Variants in RTN4RL1 observed in about 807,000 individuals in gnomAD.
RTN4RL1 encodes reticulon 4 receptor like 1.
A neutral mutation model predicts 25.6 loss-of-function variants in RTN4RL1; 7 were observed. The ratio of observed to expected loss-of-function variants is 0.27; its 90% CI spans 0.16 to 0.51. The LOEUF (loss-of-function observed/expected upper bound fraction) is 0.51, where lower values mean the gene tolerates loss of function less well. Among genes scored for constraint, RTN4RL1 ranks in the 20% least tolerant of loss-of-function variants. The pLI, the probability that RTN4RL1 is intolerant of heterozygous loss-of-function variation, is 0.97. For missense variants in RTN4RL1, 500 were observed against 615.6 expected (o/e 0.81, Z 1.99); for synonymous variants, 297 against 288.2 (o/e 1.03, Z -0.31).
intron 1 of RTN4RL1, among the ~76,000 whole-genome samples, chr17:1,955,426 C>G (rs533514091): frequency 6.6e-6 from 1 of 151,670 alleles, no homozygotes; most frequent in Non-Finnish European, 1.5e-5. Flanking sequence ...TGTGGTGGCA[C>G]ATGCCTGTAA....
chr17:2,002,549 C>A (rs950868905), intron 1 of RTN4RL1, among the ~76,000 whole-genome samples: 1 of 151,756 alleles, frequency 6.6e-6, no homozygotes, highest in African/African-American at 2.4e-5. Flanking sequence ...ACCTCGGCCT[C>A]CCAAAGTGCT....
intron 1 of RTN4RL1, among the ~76,000 whole-genome samples, chr17:2,004,860 T>G (rs1049909447): frequency 1.3e-5 from 2 of 151,996 alleles, no homozygotes; most frequent in East Asian, 3.8e-4. Flanking sequence ...CAAAGGGCAG[T>G]GAGATGTGGG....
At chr17:1,992,530 C>T (rs150000068) in intron 1 of RTN4RL1, among the ~76,000 whole-genome samples, 72 of 152,296 alleles carry the variant, frequency 4.7e-4, no homozygotes, top group African/African-American at 1.7e-3. Flanking sequence ...CAGTGCCTGG[C>T]ACGCAGTGAC....
intron 1 of RTN4RL1, among the ~76,000 whole-genome samples, chr17:1,980,213 G>A (rs918985958): frequency 6.9e-6 from 1 of 144,360 alleles, no homozygotes. Flanking sequence ...ACAAGCTCGT[G>A]CCACCACGCT....
intron 1 of RTN4RL1, among the ~76,000 whole-genome samples, chr17:2,002,513 C>T (rs1473822972): frequency 1.3e-5 from 2 of 150,586 alleles, no homozygotes; most frequent in African/African-American, 2.5e-5. Context: ...AGGATGGTCT[C>T]AATCTCCTGA....
At position 1,989,500 on chromosome 17, in the gene RTN4RL1, T is replaced by C. The variant is rs531097800; in HGVS notation, c.13+35353A>G. On this transcript the variant is annotated intron_variant, in intron 1 of 1. Coordinates refer to ENST00000331238, the MANE Select transcript of RTN4RL1 (RefSeq NM_178568.4). Reference sequence around the variant, plus strand: ...AGGGCCAGCTGCTGGATCACAGGCTTGAGAAGGGTGCTGGAGCATCACACT... The same window carrying C: ...AGGGCCAGCTGCTGGATCACAGGCTCGAGAAGGGTGCTGGAGCATCACACT... Among the ~76,000 whole-genome samples the C allele has an allele frequency of 2.7e-4, 41 of 152,184 alleles. No individual in the cohort carries two copies. In the South Asian group the frequency reaches 8.3e-3, roughly 31 times the overall value.
chr17:1,958,428 CCT>C (rs59766614), intron 1 of RTN4RL1, among the ~76,000 whole-genome samples: 73,055 of 151,608 alleles, frequency 0.48, 18,704 homozygotes, highest in Middle Eastern at 0.6. Context: ...TCATTCCTCC[CCT>C]GTTTTCATTA....
At chr17:2,008,235 A>ATTCAGCG (rs1421961845) in intron 1 of RTN4RL1, among the ~76,000 whole-genome samples, 1 of 151,344 alleles carries the variant, frequency 6.6e-6, no homozygotes, top group African/African-American at 2.4e-5. Context: ...CGCCATTGCA[A>ATTCAGCG]TTCAGCCTGG....
chr17:1,979,633 G>A (rs1288116673), intron 1 of RTN4RL1, among the ~76,000 whole-genome samples: 1 of 152,154 alleles, frequency 6.6e-6, no homozygotes, highest in Non-Finnish European at 1.5e-5. Context: ...CATTCCCCAT[G>A]GGAGTCTTCA....
chr17:1,999,255 G>A (rs990689290), intron 1 of RTN4RL1, among the ~76,000 whole-genome samples: 2 of 151,682 alleles, frequency 1.3e-5, no homozygotes, highest in African/African-American at 4.9e-5. Flanking sequence ...AGACCATCCT[G>A]GCCAACATGG....
At chr17:2,017,282 C>T (rs1348411125) in intron 1 of RTN4RL1, among the ~76,000 whole-genome samples, 1 of 152,178 alleles carries the variant, frequency 6.6e-6, no homozygotes, top group Non-Finnish European at 1.5e-5. Flanking sequence ...TGGGAAAGAC[C>T]CTTGCTCACG....
rs1391215690 is a variant in RTN4RL1, at chr17:1,955,915, G to GA, written c.14-18108dup. ...AAGACTTGCCAGTTGTGGAAAACAT[G>GA]AAAAGTATAGAAGTAAAAAGGAAGA... On this transcript the variant is annotated intron_variant, in intron 1 of 1. Coordinates refer to ENST00000331238, the MANE Select transcript of RTN4RL1 (RefSeq NM_178568.4). Among the ~76,000 whole-genome samples the GA allele has an allele frequency of 3.3e-5, 5 of 152,172 alleles. No individual in the cohort carries two copies. The East Asian group carries it at 9.7e-4, about 29-fold the overall frequency.
chr17:2,017,038 T>C (rs1013914526), intron 1 of RTN4RL1, among the ~76,000 whole-genome samples: 1 of 152,234 alleles, frequency 6.6e-6, no homozygotes, highest in Non-Finnish European at 1.5e-5. Flanking sequence ...TTAGCCTCCA[T>C]ATCCCCATCA....
intron 1 of RTN4RL1, among the ~76,000 whole-genome samples, chr17:1,972,454 T>C (rs2066824658): frequency 6.6e-6 from 1 of 151,868 alleles, no homozygotes. Context: ...CTGTGCCCCC[T>C]CTTAGATTTC....
At chr17:1,995,976 A>G (rs895765572) in intron 1 of RTN4RL1, among the ~76,000 whole-genome samples, 6 of 152,156 alleles carry the variant, frequency 3.9e-5, no homozygotes, top group Non-Finnish European at 8.8e-5. Flanking sequence ...GCGGGTGGCG[A>G]TAACACTGGT....
At chr17:1,995,229 C>T (rs770162739) in intron 1 of RTN4RL1, among the ~76,000 whole-genome samples, 2 of 152,080 alleles carry the variant, frequency 1.3e-5, no homozygotes, top group African/African-American at 2.4e-5. Context: ...AGTTTGAGAC[C>T]GGCCTGGCCA....
chr17:1,976,324 C>A (rs914050123), intron 1 of RTN4RL1, among the ~76,000 whole-genome samples: 3 of 152,250 alleles, frequency 2.0e-5, no homozygotes, highest in Non-Finnish European at 4.4e-5. Context: ...GAAGAGGTGT[C>A]GGCCCATGGC....
intron 1 of RTN4RL1, among the ~76,000 whole-genome samples, chr17:1,942,121 A>G (rs1416392804): frequency 6.6e-6 from 1 of 151,862 alleles, no homozygotes; most frequent in African/African-American, 2.4e-5. Context: ...GGCTGAGGAG[A>G]GCAAGGCCGG....
At chr17:1,942,326 G>A (rs372210146) in intron 1 of RTN4RL1, among the ~76,000 whole-genome samples, 2 of 152,124 alleles carry the variant, frequency 1.3e-5, no homozygotes, top group East Asian at 3.9e-4. Context: ...GCCCCGGGGT[G>A]TGGGGGGTGC....
Sources: gnomAD v4.1 joint callset for allele counts (sites outside exome capture counted in the v4.1 genomes callset) on GRCh38, gnomAD v4.1.1 for gene constraint, MANE v1.5 for transcripts, NCBI Gene and HGNC (gene_info 2026-07-23, HGNC 2026-07-21) for gene names.